Variants in RGL1 observed in about 807,000 individuals in gnomAD.
The protein encoded by RGL1 is ral guanine nucleotide dissociation stimulator like 1.
In RGL1, 24 loss-of-function variants were observed where a neutral mutation model predicts 95.2. The ratio of observed to expected loss-of-function variants is 0.25; its 90% confidence interval spans 0.18 to 0.35. The LOEUF (loss-of-function observed/expected upper bound fraction) is 0.35. Ranked by LOEUF, RGL1 falls within the 10% of genes least tolerant of loss-of-function variation. RGL1 has a pLI of 1.00. For synonymous variants in RGL1, 329 were observed against 344.9 expected (o/e 0.95, Z 0.51); for missense variants, 715 against 936.3 (o/e 0.76, Z 3.08).
At chr1:183,901,848 G>A (rs1668043467) in intron 11 of RGL1, among the ~76,000 whole-genome samples, 1 of 152,172 alleles carries the variant, frequency 6.6e-6, no homozygotes, top group Non-Finnish European at 1.5e-5. Flanking sequence ...AAGATTGCTT[G>A]CATATTTCAG....
At chr1:183,643,824 A>G (rs1434903713) in intron 1 of RGL1, among the ~76,000 whole-genome samples, 2 of 152,140 alleles carry the variant, frequency 1.3e-5, no homozygotes, top group Non-Finnish European at 2.9e-5. Context: ...TTGAGGAACG[A>G]TTTGCACTTA....
At chr1:183,801,595 C>T (rs995408713), upstream of RGL1, among the ~76,000 whole-genome samples, 1 of 152,052 alleles carries the variant, frequency 6.6e-6, no homozygotes, top group African/African-American at 2.4e-5. Context: ...AAAGCTTTCC[C>T]CCTATATTTT....
At chr1:183,820,582 C>T (rs1010649576) in intron 2 of RGL1, among the ~76,000 whole-genome samples, 1 of 152,114 alleles carries the variant, frequency 6.6e-6, no homozygotes, top group Admixed American at 6.5e-5. Context: ...TTGCCACTCT[C>T]TTGCTCTGGA....
intron 2 of RGL1, among the ~76,000 whole-genome samples, chr1:183,829,757 C>T (rs1663132141): frequency 2.0e-5 from 3 of 152,172 alleles, no homozygotes; most frequent in African/African-American, 7.2e-5. Flanking sequence ...TTCTTGTATT[C>T]CAAGTTACTT....
intron 1 of RGL1, among the ~76,000 whole-genome samples, chr1:183,706,796 G>T (rs10911419): frequency 1.3e-5 from 2 of 152,022 alleles, no homozygotes; most frequent in Non-Finnish European, 2.9e-5. Flanking sequence ...TTCTCATCAC[G>T]ATTGTTAAGG....
intron 1 of RGL1, among the ~76,000 whole-genome samples, chr1:183,669,965 C>G (rs139947902): frequency 6.6e-6 from 1 of 152,146 alleles, no homozygotes; most frequent in South Asian, 2.1e-4. Context: ...TACCTCTCAC[C>G]GGGTCCCTCT....
chr1:183,651,437 C>G (rs79082707), intron 1 of RGL1, among the ~76,000 whole-genome samples: 12,406 of 152,216 alleles, frequency 0.082, 985 homozygotes, highest in African/African-American at 0.21. Context: ...CCTCAGCCCA[C>G]ATCAGCTCAT....
intron 4 of RGL1, among the ~76,000 whole-genome samples, chr1:183,878,394 C>T (rs187326921): frequency 3.2e-3 from 488 of 152,080 alleles, no homozygotes; most frequent in African/African-American, 0.011. Context: ...GATGGGGTTT[C>T]GCCACGTTGC....
chr1:183,754,669 A>G (rs1372145471), intron 2 of RGL1: 3 of 152,238 alleles, frequency 2.0e-5, no homozygotes, highest in African/African-American at 4.8e-5. Context: ...TTTACCTTCT[A>G]TGACTGAGAA....
chr1:183,636,673 G>A (rs538965033), intron 1 of RGL1, among the ~76,000 whole-genome samples: 2 of 152,102 alleles, frequency 1.3e-5, no homozygotes, highest in Non-Finnish European at 2.9e-5. Flanking sequence ...GCTCTCTAGT[G>A]CTGGGGGAAA....
chr1:183,824,123 T>G (rs1250491481), intron 2 of RGL1, among the ~76,000 whole-genome samples: 1 of 152,148 alleles, frequency 6.6e-6, no homozygotes, highest in Non-Finnish European at 1.5e-5. Flanking sequence ...TGTTAGTTCC[T>G]AGTGATCGTT....
At chr1:183,864,835 G>A (rs1391959040) in intron 3 of RGL1, among the ~76,000 whole-genome samples, 4 of 152,220 alleles carry the variant, frequency 2.6e-5, no homozygotes, top group African/African-American at 9.7e-5. Flanking sequence ...TGGGATGATA[G>A]GGACACCAGA....
chr1:183,926,221 A>G lies in RGL1; in HGVS notation c.2236A>G (p.Thr746Ala), dbSNP rs1478686808. 6.2e-7 allele frequency: 1 copy of G among 1,614,014 alleles called. No homozygotes were observed. The highest frequency in any genetic ancestry group is 1.7e-5 in the Admixed American group (1 of 60,006). Residue 746 changes from threonine (T) to alanine (A), a missense_variant, in exon 18 of 18, where the codon ACC (threonine) becomes GCC (alanine). By Grantham distance (58) the Thr-to-Ala change is moderately conservative (BLOSUM62 0). This residue lies in a region of RGL1 where 330 missense variants were observed against 429.6 expected (regional missense o/e 0.77). Transcript: ENST00000360851. ...AGAACAAGTGAAACTGCGTAGCCGG[A>G]CCAGCTTGACGTTGCCCAGGACAGC... ...MEEQVKLRSR[T>A]SLTLPRTAKR...
chr1:183,704,569 T>A (rs1039129095), intron 1 of RGL1, among the ~76,000 whole-genome samples: 1 of 152,158 alleles, frequency 6.6e-6, no homozygotes, highest in Non-Finnish European at 1.5e-5. Flanking sequence ...AAGGTGTTGG[T>A]CTGTTAGGTT....
At chr1:183,890,402 A>G (rs369471246) in intron 8 of RGL1, among the ~76,000 whole-genome samples, 23 of 152,174 alleles carry the variant, frequency 1.5e-4, no homozygotes, top group African/African-American at 5.5e-4. Flanking sequence ...TATTTTCTAA[A>G]GACAAAGGAA....
At chr1:183,847,443 G>T in intron 2 of RGL1, 123 bp from the exon 3 acceptor site, 1 of 858,552 alleles carries the variant, frequency 1.2e-6, no homozygotes. Flanking sequence ...TAACAAAAGG[G>T]ATAAATAAAT....
At position 183,724,216 on chromosome 1, in the gene RGL1, G is replaced by A. The variant is rs1282861181; in HGVS notation, c.-32-17910G>A. Among the ~76,000 whole-genome samples, 2 of 152,140 alleles carry A rather than the reference G, an allele frequency of 1.3e-5. No homozygotes were observed. Among genetic ancestry groups the A allele is most frequent in the Non-Finnish European group, 2.9e-5 (2 of 68,026 alleles). The stretch of plus-strand genomic sequence containing the variant: ...AGACTCTGAGATGTGCTGGCTTCAG[G>A]TGTGACACAGCACATTCCCAGCTGT... On this transcript the variant is annotated intron_variant, in intron 1 of 18. Transcript: ENST00000304685. This position sits in a 1 kb window ranked among gnomAD's most constrained non-coding sequence, Gnocchi z 4.1.
intron 4 of RGL1, among the ~76,000 whole-genome samples, chr1:183,877,499 C>T (rs1263493710): frequency 2.0e-5 from 3 of 152,218 alleles, no homozygotes; most frequent in Non-Finnish European, 2.9e-5. Flanking sequence ...CACAAAGCTA[C>T]TGTGAGCCTT....
At chr1:183,711,614 G>A (rs1430207135) in intron 1 of RGL1, among the ~76,000 whole-genome samples, 1 of 152,166 alleles carries the variant, frequency 6.6e-6, no homozygotes, top group Non-Finnish European at 1.5e-5. Context: ...TTTCCCCTTG[G>A]AAAGCCTTGG....
Sources: gnomAD v4.1 joint callset for allele counts (sites outside exome capture counted in the v4.1 genomes callset) on GRCh38, gnomAD v4.1.1 for gene constraint, gnomAD v4.1.1 regional missense constraint, Gnocchi (gnomAD v3.1) non-coding constraint, MANE v1.5 for transcripts, NCBI Gene and HGNC (gene_info 2026-07-23, HGNC 2026-07-21) for gene names.